Variants in RPH3AL observed in about 807,000 individuals in gnomAD.
RPH3AL encodes rabphilin 3A like (without C2 domains).
In RPH3AL, 38 loss-of-function variants were observed where a neutral mutation model predicts 43.1. The ratio of observed to expected loss-of-function variants is 0.88; its 90% CI spans 0.68 to 1.15. The LOEUF (loss-of-function observed/expected upper bound fraction) is 1.15. Ranked by LOEUF, RPH3AL falls within the 50% of genes most tolerant of loss-of-function variation. RPH3AL has a pLI of 0.00. For synonymous variants in RPH3AL, 189 were observed against 176.3 expected (o/e 1.07, Z -0.57); for missense variants, 462 against 423.2 (o/e 1.09, Z -0.81).
intron 6 of RPH3AL, among the ~76,000 whole-genome samples, chr17:276,968 C>A (rs192636354): frequency 1.1e-3 from 163 of 152,214 alleles, no homozygotes; most frequent in Admixed American, 2.3e-3. Flanking sequence ...ATGTATCATC[C>A]ATGCACCCTT....
intron 6 of RPH3AL, among the ~76,000 whole-genome samples, chr17:258,218 A>G (rs1365824788): frequency 2.6e-5 from 4 of 151,990 alleles, no homozygotes; most frequent in Non-Finnish European, 5.9e-5. Context: ...ACCAGGCTCC[A>G]CCAAACAGGA....
At chr17:319,640 T>C (rs1276413856) in intron 4 of RPH3AL, 91 bp from the exon 5 acceptor site, 9 of 1,488,310 alleles carry the variant, frequency 6.0e-6, no homozygotes, top group Non-Finnish European at 7.3e-6. Context: ...CCACATGTGC[T>C]GTCCCCTCAC....
intron 6 of RPH3AL, among the ~76,000 whole-genome samples, chr17:270,689 AAG>A (rs1276294197): frequency 6.6e-6 from 1 of 150,712 alleles, no homozygotes; most frequent in African/African-American, 2.5e-5. Context: ...AACTCCACAA[AAG>A]AAAAAAAAAA....
intron 1 of RPH3AL, among the ~76,000 whole-genome samples, chr17:350,848 G>A (rs4072491): frequency 0.01 from 1,547 of 152,282 alleles, 14 homozygotes; most frequent in Non-Finnish European, 0.018. Flanking sequence ...CCATAGGGCA[G>A]GAAACAGCAG....
At chr17:317,536 C>A (rs1427881431) in intron 5 of RPH3AL, among the ~76,000 whole-genome samples, 1 of 152,068 alleles carries the variant, frequency 6.6e-6, no homozygotes, top group Admixed American at 6.5e-5. Context: ...GACCTGAAGT[C>A]CCTGTGCCCC....
At chr17:350,750 A>G (rs3934765) in intron 1 of RPH3AL, among the ~76,000 whole-genome samples, 56,470 of 152,032 alleles carry the variant, frequency 0.37, 10,902 homozygotes, top group East Asian at 0.61. Context: ...TGAAATGGGA[A>G]TTAAAAAAAC....
chr17:296,958 T>C (rs1244437112), intron 5 of RPH3AL, among the ~76,000 whole-genome samples: 1 of 152,088 alleles, frequency 6.6e-6, no homozygotes, highest in African/African-American at 2.4e-5. Flanking sequence ...TCGTGGGGCA[T>C]TGTGTGAGGA....
At chr17:229,434 T>C (rs1282601232) in intron 7 of RPH3AL, among the ~76,000 whole-genome samples, 1 of 152,020 alleles carries the variant, frequency 6.6e-6, no homozygotes, top group Non-Finnish European at 1.5e-5. Flanking sequence ...CCAGCTGGGG[T>C]CAGCAAGGGG....
In RPH3AL at chr17:232,846, GTGTGTGTGTGTGTGTGTGTGTGT is replaced by G. The variant is rs1180755914; in HGVS notation, c.614-13133_614-13111del. ...CTTTCCGGCGTGTGTGTGTGTGTGT[GTGTGTGTGTGTGTGTGTGTGTGT>G]GTGTGTGTGTGTGTGTGTTGGCTTC... On this transcript the variant is annotated intron_variant, in intron 7 of 9. Coordinates refer to ENST00000331302, the MANE Select transcript of RPH3AL (RefSeq NM_006987.4). Among the ~76,000 whole-genome samples, 8 of 68,384 alleles carry G rather than the reference GTGTGTGTGTGTGTGTGTGTGTGT, an allele frequency of 1.2e-4. No individual in the cohort carries two copies. In the South Asian group the frequency reaches 1.7e-3, roughly 14 times the overall value. The allele number at this position is 68,384 out of a possible 152,430, so 44.9% of individuals were successfully genotyped here. A position where few individuals can be genotyped will look rare whatever the true frequency, so the allele number is the denominator to read the frequency against.
rs369685882 is a variant in RPH3AL at position 299,251 on chromosome 17, G to A, written c.352-17397C>T. ...TCAGGCCTCACTCCCTGCAGGGCCC[G>A]AATGCCGCTGCTGTCTGAGCCTGTA... On this transcript the variant is annotated intron_variant, in intron 5 of 9. Coordinates refer to ENST00000331302, the MANE Select transcript of RPH3AL (RefSeq NM_006987.4). Among the ~76,000 whole-genome samples the A allele has an allele frequency of 1.7e-4, 26 of 152,062 alleles. No homozygotes were observed. In the South Asian group the frequency reaches 4.6e-3, roughly 27 times the overall value.
chr17:214,035 C>T (rs2040733592), intron 9 of RPH3AL, 112 bp from the exon 10 acceptor site: 2 of 759,428 alleles, frequency 2.6e-6, no homozygotes, highest in South Asian at 1.8e-5. Context: ...GGAAGGCAGG[C>T]TTCTGCTGAC....
Position 213,168 on chromosome 17 carries a change from C to G in RPH3AL, c.*684G>C, listed in dbSNP as rs144824829. On this transcript the variant is annotated 3_prime_UTR_variant, in exon 10 of 10. Transcript: ENST00000331302. ...ACTCAGGAGGCTGAGGTGAGAGAATCGCTTGAGCCCGGGAGGTGGAGGTTG... is the reference window on the plus strand; with the variant it reads ...ACTCAGGAGGCTGAGGTGAGAGAATGGCTTGAGCCCGGGAGGTGGAGGTTG... 1 of 152,886 alleles carries G rather than the reference C, an allele frequency of 6.5e-6. No homozygotes were observed. Among genetic ancestry groups the G allele is most frequent in the Admixed American group, 6.5e-5 (1 of 15,384 alleles). 9.5% of individuals were successfully genotyped at this position (152,886 alleles called of 1,614,324 possible). A position where few individuals can be genotyped will look rare whatever the true frequency, so the allele number is the denominator to read the frequency against.
chr17:252,497 T>C (rs7209151), intron 6 of RPH3AL, among the ~76,000 whole-genome samples: 17,511 of 152,158 alleles, frequency 0.12, 1,241 homozygotes, highest in Non-Finnish European at 0.15. Flanking sequence ...TCCCACCCTG[T>C]CCCCCAACAC....
Position 321,423 on chromosome 17 carries a change from G to C in RPH3AL, c.78-8C>G. On this transcript the variant is annotated splice_polypyrimidine_tract_variant and splice_region_variant and intron_variant, in intron 3 of 9. Coordinates refer to ENST00000331302, the MANE Select transcript of RPH3AL (RefSeq NM_006987.4). ...GACCAGCCCGTCTGCAGCCTCGAGA[G>C]GGAACAGCACAGACGGCGTGGAGGC... 6.2e-7 allele frequency: 1 copy of C among 1,602,412 alleles called. No homozygotes were observed. The highest frequency in any genetic ancestry group is 8.5e-7 in the Non-Finnish European group (1 of 1,176,718).
At position 327,563 on chromosome 17, in the gene RPH3AL, G is replaced by A. The variant is rs779905111; in HGVS notation, c.-20C>T. 5.0e-6 allele frequency: 8 copies of A among 1,612,268 alleles called. No homozygotes were observed. The highest frequency in any genetic ancestry group is 6.8e-6 in the Non-Finnish European group (8 of 1,178,980). ...GGCCATGGCTCGGAGCACCCGGCTG[G>A]GGGTGGGGAGTCACATCTGAGATGA... On this transcript the variant is annotated 5_prime_UTR_variant, in exon 3 of 10. Coordinates refer to ENST00000331302, the MANE Select transcript of RPH3AL (RefSeq NM_006987.4).
chr17:217,329 T>C (rs540436565), intron 8 of RPH3AL, among the ~76,000 whole-genome samples: 2 of 103,302 alleles, frequency 1.9e-5, no homozygotes, highest in Admixed American at 1.8e-4. Flanking sequence ...GGGGCAGTTA[T>C]TACAGAGCCC....
intron 7 of RPH3AL, among the ~76,000 whole-genome samples, chr17:235,928 C>T (rs554955224): frequency 2.0e-5 from 3 of 148,626 alleles, no homozygotes; most frequent in Non-Finnish European, 3.0e-5. Flanking sequence ...TCGGCCGAGG[C>T]TCCGCACTAA....
chr17:268,359 C>T (rs1019233269), intron 6 of RPH3AL, among the ~76,000 whole-genome samples: 4 of 152,062 alleles, frequency 2.6e-5, no homozygotes, highest in African/African-American at 9.7e-5. Context: ...ATTCTCTCTT[C>T]CTCATGATTT....
chr17:285,981 T>G (rs2042898951), intron 5 of RPH3AL, among the ~76,000 whole-genome samples: 1 of 151,514 alleles, frequency 6.6e-6, no homozygotes, highest in Non-Finnish European at 1.5e-5. Context: ...ATGAACAGGG[T>G]GGGGCCCAGG....
Sources: allele counts gnomAD v4.1 joint callset (sites outside exome capture counted in the v4.1 genomes callset), GRCh38; gene constraint gnomAD v4.1.1; transcripts MANE v1.5; gene names NCBI Gene and HGNC (gene_info 2026-07-23, HGNC 2026-07-21).